The following MACROD2 variants were observed in gnomAD, a reference collection of about 807,000 sequenced individuals.
The protein encoded by MACROD2 is ADP-ribose glycohydrolase MACROD2.
MACROD2 carries 36 observed loss-of-function variants against 70.4 expected under a neutral mutation model. The observed-to-expected ratio is 0.51, with a 90% CI of 0.39 to 0.68. The LOEUF (loss-of-function observed/expected upper bound fraction) is 0.68. Ranked by LOEUF, MACROD2 falls within the 30% of genes least tolerant of loss-of-function variation. The pLI is 0.00. For missense variants in MACROD2, 496 were observed against 538.4 expected (o/e 0.92, Z 0.78); for synonymous variants, 172 against 178.8 (o/e 0.96, Z 0.30).
chr20:15,899,103 ATATGTATGTATATATG>A (rs1390317679), intron 10 of MACROD2, among the ~76,000 whole-genome samples: 1 of 151,788 alleles, frequency 6.6e-6, no homozygotes, highest in Non-Finnish European at 1.5e-5. Flanking sequence ...TGTGCTATCT[ATATGTATGTATATATG>A]TATGTATGCA....
chr20:15,465,528 CATAACTTTAGAACAGATGA>C (rs1568827990), intron 7 of MACROD2, among the ~76,000 whole-genome samples: 1 of 152,246 alleles, frequency 6.6e-6, no homozygotes. Flanking sequence ...ATTTTCTCCT[CATAACTTTAGAACAGATGA>C]ATACACATTT....
At chr20:14,639,675 T>C (rs886303078) in intron 4 of MACROD2, among the ~76,000 whole-genome samples, 52 of 152,204 alleles carry the variant, frequency 3.4e-4, no homozygotes, top group Non-Finnish European at 6.9e-4. Flanking sequence ...TCTAATTCTC[T>C]TGCAGTTCAC....
At chr20:14,247,620 C>T (rs1011790877) in intron 3 of MACROD2, among the ~76,000 whole-genome samples, 23 of 152,180 alleles carry the variant, frequency 1.5e-4, no homozygotes, top group African/African-American at 4.8e-4. Context: ...TTTTGAGTGC[C>T]GACGTGATGC....
intron 3 of MACROD2, among the ~76,000 whole-genome samples, chr20:14,224,294 A>G (rs1368967616): frequency 6.6e-6 from 1 of 152,182 alleles, no homozygotes; most frequent in Non-Finnish European, 1.5e-5. Context: ...TTAAGCCTCC[A>G]TCACTTAGTT....
intron 8 of MACROD2, among the ~76,000 whole-genome samples, chr20:15,534,956 T>C (rs549428454): frequency 6.6e-6 from 1 of 152,270 alleles, no homozygotes; most frequent in South Asian, 2.1e-4. Flanking sequence ...ACCGGATTTA[T>C]AAAATCAAAT....
intron 5 of MACROD2, among the ~76,000 whole-genome samples, chr20:15,071,128 T>C (rs1442915445): frequency 3.3e-5 from 5 of 152,176 alleles, no homozygotes; most frequent in Non-Finnish European, 7.3e-5. Flanking sequence ...GGAATTTAAA[T>C]ACAACAATTG....
At chr20:15,245,315 T>A (rs924657099) in intron 6 of MACROD2, among the ~76,000 whole-genome samples, 1 of 152,166 alleles carries the variant, frequency 6.6e-6, no homozygotes, top group African/African-American at 2.4e-5. Flanking sequence ...TTGCTTGAAA[T>A]GAGAAAATGT....
chr20:16,023,616 G>A (rs773402492), intron 15 of MACROD2, among the ~76,000 whole-genome samples: 28 of 152,062 alleles, frequency 1.8e-4, no homozygotes, highest in East Asian at 7.7e-4. Context: ...AAATGAGACC[G>A]AGAATGGAAG....
chr20:15,405,777 C>G (rs1336324313), intron 6 of MACROD2, among the ~76,000 whole-genome samples: 2 of 152,192 alleles, frequency 1.3e-5, no homozygotes, highest in African/African-American at 4.8e-5. Flanking sequence ...TTCTCTTGCT[C>G]TCTTGAAATT....
chr20:15,076,981 G>A, intron 5 of MACROD2, among the ~76,000 whole-genome samples: 1 of 152,130 alleles, frequency 6.6e-6, no homozygotes, highest in East Asian at 1.9e-4. Flanking sequence ...TGCTTTATAG[G>A]TTTTGGCATT....
At chr20:14,480,529 C>T (rs2084651242) in intron 3 of MACROD2, among the ~76,000 whole-genome samples, 1 of 152,044 alleles carries the variant, frequency 6.6e-6, no homozygotes, top group Non-Finnish European at 1.5e-5. Context: ...ATTTAGTTAT[C>T]CTGAGAGATT....
intron 3 of MACROD2, among the ~76,000 whole-genome samples, chr20:14,217,866 A>G (rs908566474): frequency 3.3e-5 from 5 of 151,836 alleles, no homozygotes; most frequent in African/African-American, 9.7e-5. Flanking sequence ...CTCCTGTTTC[A>G]TTTCTTAGTG....
At chr20:15,507,981 G>T (rs533663934) in intron 8 of MACROD2, among the ~76,000 whole-genome samples, 9 of 152,304 alleles carry the variant, frequency 5.9e-5, no homozygotes, top group African/African-American at 1.9e-4. Context: ...GCGTTGAGCT[G>T]AGCTTGCCCA....
chr20:14,838,410 G>T (rs1210994572), intron 5 of MACROD2, among the ~76,000 whole-genome samples: 2 of 152,074 alleles, frequency 1.3e-5, no homozygotes, highest in Non-Finnish European at 2.9e-5. Flanking sequence ...TAATCTGAGT[G>T]GATTAAGGGT....
At chr20:14,489,670 T>A (rs1256383862) in intron 3 of MACROD2, among the ~76,000 whole-genome samples, 2 of 152,166 alleles carry the variant, frequency 1.3e-5, no homozygotes, top group African/African-American at 4.8e-5. Context: ...ATAATTTCCT[T>A]TATAATGATG....
intron 10 of MACROD2, chr20:15,893,746 G>A (rs1244509084): frequency 2.2e-6 from 1 of 456,672 alleles, no homozygotes; most frequent in Non-Finnish European, 4.4e-6. Context: ...TTTCTTGCCT[G>A]GATCCCCACC....
chr20:15,631,240 G>C (rs796213240), intron 8 of MACROD2, among the ~76,000 whole-genome samples: 6 of 152,294 alleles, frequency 3.9e-5, no homozygotes, highest in African/African-American at 1.4e-4. Flanking sequence ...CCTTAAATAT[G>C]TTCTGATGAG....
At chr20:14,834,254 G>GTTT (rs201456532) in intron 5 of MACROD2, among the ~76,000 whole-genome samples, 4 of 145,322 alleles carry the variant, frequency 2.8e-5, no homozygotes, top group African/African-American at 7.5e-5. Context: ...CGCTAGTATG[G>GTTT]TTTTTTTTTT....
chr20:15,394,172 C>T (rs369164984), intron 6 of MACROD2, among the ~76,000 whole-genome samples: 18 of 152,090 alleles, frequency 1.2e-4, no homozygotes, highest in Non-Finnish European at 2.1e-4. Flanking sequence ...GTGCAGCAAA[C>T]GTAATATAGG....
Sources: allele counts gnomAD v4.1 joint callset (sites outside exome capture counted in the v4.1 genomes callset), GRCh38; gene constraint gnomAD v4.1.1; transcripts MANE v1.5; gene names NCBI Gene and HGNC (gene_info 2026-07-23, HGNC 2026-07-21).